Variants in EEA1 observed in about 807,000 individuals in gnomAD.
The protein encoded by EEA1 is early endosome antigen 1, also known as early endosome antigen 1, 162kD.
A neutral mutation model predicts 209.2 loss-of-function variants in EEA1; 111 were observed. The ratio of observed to expected loss-of-function variants is 0.53; its 90% CI spans 0.45 to 0.62. EEA1 has a LOEUF of 0.62. Ranked by LOEUF, EEA1 falls within the 20% of genes least tolerant of loss-of-function variation. The pLI, the probability that EEA1 is intolerant of heterozygous loss-of-function variation, is 0.00. For synonymous variants in EEA1, 536 were observed against 540.6 expected (o/e 0.99, Z 0.12); for missense variants, 1,343 against 1,530.8 (o/e 0.88, Z 2.05).
chr12:92,913,069 C>A (rs1453634507), intron 1 of EEA1, among the ~76,000 whole-genome samples: 1 of 152,182 alleles, frequency 6.6e-6, no homozygotes, highest in Admixed American at 6.5e-5. Flanking sequence ...AGTACTGGGA[C>A]TGCTGGATTG....
intron 21 of EEA1, among the ~76,000 whole-genome samples, chr12:92,794,938 A>C (rs557678819): frequency 2.6e-4 from 40 of 152,132 alleles, no homozygotes; most frequent in Non-Finnish European, 5.0e-4. Flanking sequence ...CACATGCACA[A>C]ACCCAAGTTA....
chr12:92,800,657 G>A (rs1874866547), intron 20 of EEA1, among the ~76,000 whole-genome samples: 1 of 152,176 alleles, frequency 6.6e-6, no homozygotes, highest in East Asian at 1.9e-4. Flanking sequence ...ATTATAGTCA[G>A]TGTACTGAGT....
At chr12:92,826,709 C>T (rs113983516) in intron 12 of EEA1, among the ~76,000 whole-genome samples, 2,453 of 130,654 alleles carry the variant, frequency 0.019, 29 homozygotes, top group Middle Eastern at 0.041. Flanking sequence ...AAAGAGACTC[C>T]GTCTCAAAAA....
chr12:92,782,688 C>T (rs1873955955), intron 22 of EEA1, among the ~76,000 whole-genome samples: 1 of 152,214 alleles, frequency 6.6e-6, no homozygotes. Context: ...ACAACTCCCA[C>T]ATCCTTTGTT....
intron 17 of EEA1, 93 bp from the exon 18 acceptor site, chr12:92,809,249 GGT>G: frequency 1.0e-6 from 1 of 966,736 alleles, no homozygotes; most frequent in Non-Finnish European, 1.4e-6. Flanking sequence ...TATTCAAACA[GGT>G]GTGACATACA....
In EEA1 at chr12:92,811,483, G is replaced by T. The variant is rs757421197; in HGVS notation, c.2044-49C>A. ...AAACTTTGGTAAGGTTTACTATATTGTAGTGGCCAAATGTTCAACGTAAAA... is the reference window on the plus strand; with the variant it reads ...AAACTTTGGTAAGGTTTACTATATTTTAGTGGCCAAATGTTCAACGTAAAA... On this transcript the variant is annotated intron_variant, in intron 16 of 28. Transcript: ENST00000322349. The T allele has an allele frequency of 2.4e-6, 3 of 1,258,280 alleles. 1 individual carries two copies. The South Asian group carries it at 6.5e-5, about 27-fold the overall frequency. The allele number at this position is 1,258,280 out of a possible 1,614,324, so 77.9% of individuals were successfully genotyped here.
At chr12:92,818,035 C>A (rs1875874601) in intron 14 of EEA1, among the ~76,000 whole-genome samples, 1 of 152,110 alleles carries the variant, frequency 6.6e-6, no homozygotes, top group Admixed American at 6.5e-5. Context: ...TATTCATTGG[C>A]CTCATAGAAT....
chr12:92,910,525 A>G (rs557466234), intron 1 of EEA1, among the ~76,000 whole-genome samples: 140 of 152,304 alleles, frequency 9.2e-4, no homozygotes, highest in African/African-American at 3.3e-3. Flanking sequence ...GTAAAACACA[A>G]AACTATAAAC....
rs187584563 is a variant in EEA1, at chr12:92,923,221, G to A, written c.24+5822C>T. Among the ~76,000 whole-genome samples, 1,217 of 151,024 alleles carry A rather than the reference G, an allele frequency of 8.1e-3. 16 individuals are homozygous for A. Among genetic ancestry groups the A allele is most frequent in the African/African-American group, 0.027 (1,106 of 41,186 alleles). The stretch of plus-strand genomic sequence containing the variant: ...AAATTAGCCAGGCACGGTGGTGGGC[G>A]CCTGTAGTCCCAGCTACTCGGGAGG... On this transcript the variant is annotated intron_variant, in intron 1 of 28. Coordinates refer to ENST00000322349, the MANE Select transcript of EEA1 (RefSeq NM_003566.4).
At chr12:92,889,116 C>T (rs1455657612) in intron 2 of EEA1, among the ~76,000 whole-genome samples, 3 of 150,834 alleles carry the variant, frequency 2.0e-5, no homozygotes, top group African/African-American at 4.9e-5. Context: ...CATGTCACTG[C>T]ACTCCAAGGC....
Position 92,799,644 on chromosome 12 carries a change from G to A in EEA1, c.2773-558C>T, listed in dbSNP as rs371336030. On this transcript the variant is annotated intron_variant, in intron 20 of 28. Coordinates refer to ENST00000322349, the MANE Select transcript of EEA1 (RefSeq NM_003566.4). ...TACTAAAAATACAAAAAAATTAGCC[G>A]GGTGTGGTGGCAGGTGCCTGTAGTC... 2.5e-3 allele frequency among the ~76,000 whole-genome samples: 376 copies of A among 152,044 alleles called. 4 individuals are homozygous for A. The highest frequency in any genetic ancestry group is 7.8e-3 in the African/African-American group (323 of 41,498).
chr12:92,779,371 T>G lies in EEA1; in HGVS notation c.3469-71A>C, dbSNP rs924477887. On this transcript the variant is annotated intron_variant, in intron 24 of 28. Coordinates refer to ENST00000322349, the MANE Select transcript of EEA1 (RefSeq NM_003566.4). ...TATTTCAAAATTTGGCTAAAATTTA[T>G]GCAATTTATCACAATAGATCAAATA... The G allele has an allele frequency of 9.2e-6, 13 of 1,407,466 alleles. No homozygotes were observed. In the East Asian group the frequency reaches 2.3e-4, roughly 25 times the overall value. The allele number at this position is 1,407,466 out of a possible 1,614,324, so 87.2% of individuals were successfully genotyped here. A position where few individuals can be genotyped will look rare whatever the true frequency, so the allele number is the denominator to read the frequency against.
intron 14 of EEA1, among the ~76,000 whole-genome samples, chr12:92,818,687 T>C (rs1439506528): frequency 2.0e-5 from 3 of 152,188 alleles, no homozygotes; most frequent in Non-Finnish European, 4.4e-5. Context: ...TATTTTCTCA[T>C]TTAGATAATA....
At position 92,837,976 on chromosome 12, in the gene EEA1, A is replaced by G. The variant is rs184659158; in HGVS notation, c.915+4489T>C. Among the ~76,000 whole-genome samples the G allele has an allele frequency of 4.6e-5, 7 of 152,328 alleles. No individual in the cohort carries two copies. The East Asian group carries it at 5.8e-4, about 13-fold the overall frequency. ...GTGAGAGAAGTAGATAGTGAGGATA[A>G]TAAGAAAAGGCAGATGCAACTGTGG... On this transcript the variant is annotated intron_variant, in intron 10 of 28. Coordinates refer to ENST00000322349, the MANE Select transcript of EEA1 (RefSeq NM_003566.4).
intron 13 of EEA1, among the ~76,000 whole-genome samples, chr12:92,822,246 C>A (rs779185614): frequency 2.0e-5 from 3 of 152,100 alleles, no homozygotes; most frequent in Admixed American, 6.6e-5. Flanking sequence ...GTCCAGGTCT[C>A]TCGTATTCTC....
chr12:92,875,702 C>T (rs934443965), intron 2 of EEA1, among the ~76,000 whole-genome samples: 6 of 152,116 alleles, frequency 3.9e-5, no homozygotes, highest in East Asian at 3.9e-4. Context: ...TAGCTTTCTA[C>T]GACAGTAACA....
rs534939573 is a variant in EEA1, at chr12:92,875,767, G to A, written c.118-10780C>T. On this transcript the variant is annotated intron_variant, in intron 2 of 28. Coordinates refer to ENST00000322349, the MANE Select transcript of EEA1 (RefSeq NM_003566.4). ...ATAAGGCCCTACAAGAGGCAGACCC[G>A]ATCGCTGACCCAATCTCCCCCTTGC... 2.4e-3 allele frequency among the ~76,000 whole-genome samples: 368 copies of A among 152,180 alleles called. 3 individuals carry two copies. The highest frequency in any genetic ancestry group is 3.1e-3 in the Non-Finnish European group (213 of 68,010).
At chr12:92,884,135 G>T in intron 2 of EEA1, 1 of 1,210,098 alleles carries the variant, frequency 8.3e-7, no homozygotes, top group East Asian at 2.3e-5. Flanking sequence ...ACACCTAAGA[G>T]ATTATTTTGA....
In EEA1 at chr12:92,891,838, T is replaced by C. The variant is rs1284623747; in HGVS notation, c.25-117A>G. The C allele has an allele frequency of 3.0e-5, 18 of 601,072 alleles. 1 individual carries two copies. In the East Asian group the frequency reaches 4.4e-4, roughly 15 times the overall value. The allele number at this position is 601,072 out of a possible 1,614,324, so 37.2% of individuals were successfully genotyped here. On this transcript the variant is annotated intron_variant, in intron 1 of 28. Transcript: ENST00000322349. ...AGAAAAGTAGATGTCTTTACAATAA[T>C]AACAGTACTAACAGTATCATTTATG...
Sources: allele counts gnomAD v4.1 joint callset (sites outside exome capture counted in the v4.1 genomes callset), GRCh38; gene constraint gnomAD v4.1.1; transcripts MANE v1.5; gene names NCBI Gene and HGNC (gene_info 2026-07-23, HGNC 2026-07-21).